XRN1: variants seen among roughly 807,000 people sequenced by gnomAD.
The protein encoded by XRN1 is strand-exchange protein 1 homolog.
Under a neutral mutation model 222.3 loss-of-function variants are expected in XRN1, and 67 were observed. The ratio of observed to expected loss-of-function variants is 0.30; its 90% CI spans 0.25 to 0.37. The LOEUF (loss-of-function observed/expected upper bound fraction) is 0.37. Ranked by LOEUF, XRN1 falls within the 10% of genes least tolerant of loss-of-function variation. The pLI is 1.00. For missense variants in XRN1, 1,707 were observed against 2,000.2 expected (o/e 0.85, Z 2.80); for synonymous variants, 643 against 652.4 (o/e 0.99, Z 0.22).
intron 25 of XRN1, among the ~76,000 whole-genome samples, chr3:142,374,149 G>A (rs1223679085): frequency 6.6e-6 from 1 of 152,156 alleles, no homozygotes; most frequent in Non-Finnish European, 1.5e-5. Flanking sequence ...TCAAAATGGA[G>A]ATATAAATCA....
At chr3:142,421,346 T>C in intron 9 of XRN1, 130 bp downstream of exon 9, 1 of 933,458 alleles carries the variant, frequency 1.1e-6, no homozygotes, top group Admixed American at 3.4e-5. Context: ...TTAATTTAGG[T>C]AAAAGTGTTT....
At chr3:142,382,075 T>G (rs2067323200) in intron 22 of XRN1, among the ~76,000 whole-genome samples, 1 of 152,252 alleles carries the variant, frequency 6.6e-6, no homozygotes, top group Admixed American at 6.5e-5. Context: ...AATGTTCATC[T>G]GTCCTTTAAT....
intron 32 of XRN1, among the ~76,000 whole-genome samples, chr3:142,351,470 T>A (rs2066303436): frequency 6.6e-6 from 1 of 152,250 alleles, no homozygotes; most frequent in Middle Eastern, 3.4e-3. Context: ...GAAAGGGCAG[T>A]TTCCATAAAG....
chr3:142,313,456 T>C (rs777299314), intron 39 of XRN1, among the ~76,000 whole-genome samples: 1 of 152,176 alleles, frequency 6.6e-6, no homozygotes, highest in African/African-American at 2.4e-5. Flanking sequence ...GCGATTCTTA[T>C]GGAGACAGCC....
chr3:142,328,868 G>A (rs2107907152), intron 37 of XRN1, among the ~76,000 whole-genome samples: 1 of 148,262 alleles, frequency 6.7e-6, no homozygotes, highest in Admixed American at 6.8e-5. Flanking sequence ...CCGTCCTCCT[G>A]CCTCAGCCTT....
intron 20 of XRN1, among the ~76,000 whole-genome samples, chr3:142,396,509 C>A (rs2067939363): frequency 6.6e-6 from 1 of 152,120 alleles, no homozygotes; most frequent in African/African-American, 2.4e-5. Flanking sequence ...ATCTAATTTA[C>A]ACTGTTGGGA....
intron 39 of XRN1, chr3:142,313,068 A>G: frequency 6.6e-7 from 1 of 1,514,990 alleles, no homozygotes; most frequent in Non-Finnish European, 8.9e-7. Flanking sequence ...AAAAAATAAA[A>G]GGGTCATGAA....
intron 37 of XRN1, among the ~76,000 whole-genome samples, chr3:142,326,043 A>G (rs1000124885): frequency 3.9e-5 from 6 of 152,002 alleles, no homozygotes; most frequent in African/African-American, 1.2e-4. Flanking sequence ...TTAAGCCAGT[A>G]CCATGTTGTT....
At position 142,417,172 on chromosome 3, in the gene XRN1, G is replaced by C. The variant is rs749904698; in HGVS notation, c.1404C>G (p.His468Gln). The C allele has an allele frequency of 2.7e-5, 44 of 1,613,514 alleles. No homozygotes were observed. Among genetic ancestry groups the C allele is most frequent in the Non-Finnish European group, 3.6e-5 (42 of 1,179,856 alleles). The change falls in exon 13 of 41, where the codon CAC (histidine) becomes CAG (glutamine). Residue 468 changes from histidine (H) to glutamine (Q), a missense_variant. Transcript: ENST00000392981. ...AGGACTGAACTCCATGATAGTAATA[G>C]TGCAAAATCCACTGTATTGCCTGAA... is the stretch of plus-strand genomic sequence containing the variant. ...CYVQAIQWIL[H>Q]YYYHGVQSWS...
intron 15 of XRN1, among the ~76,000 whole-genome samples, chr3:142,412,239 T>A (rs964965081): frequency 6.6e-6 from 1 of 152,242 alleles, no homozygotes; most frequent in African/African-American, 2.4e-5. Flanking sequence ...TGTTATTAGA[T>A]ACAACATATT....
intron 15 of XRN1, among the ~76,000 whole-genome samples, chr3:142,405,816 A>AT (rs1206103358): frequency 2.0e-5 from 3 of 152,194 alleles, no homozygotes; most frequent in Non-Finnish European, 4.4e-5. Flanking sequence ...TACCATATAT[A>AT]AAAACAAGTA....
At chr3:142,339,791 T>C (rs546452970) in intron 33 of XRN1, among the ~76,000 whole-genome samples, 3 of 152,064 alleles carry the variant, frequency 2.0e-5, no homozygotes, top group South Asian at 2.1e-4. Flanking sequence ...GGCAAGACCC[T>C]GCCTCAAAAA....
rs367634154 is a variant in XRN1, at chr3:142,319,777, T to C, written c.4405-874A>G. 2.6e-5 allele frequency among the ~76,000 whole-genome samples: 4 copies of C among 152,198 alleles called. No individual in the cohort carries two copies. In the East Asian group the frequency reaches 5.8e-4, roughly 22 times the overall value. The stretch of plus-strand genomic sequence containing the variant: ...CATGTGATATCTGACTTTCTGTTTC[T>C]GAATTATTTCACTTAGGATAATGGC... On this transcript the variant is annotated intron_variant, in intron 37 of 40. Coordinates refer to ENST00000392981, the MANE Select transcript of XRN1 (RefSeq NM_001282857.2).
At chr3:142,360,059 T>C (rs569855518) in intron 29 of XRN1, 128 bp from the exon 30 acceptor site, 5 of 524,102 alleles carry the variant, frequency 9.5e-6, no homozygotes, top group African/African-American at 5.9e-5. Flanking sequence ...ATTCAGGATA[T>C]GAACAATGGC....
At chr3:142,318,721 A>T in intron 38 of XRN1, 27 bp from the exon 39 acceptor site, 1 of 1,609,638 alleles carries the variant, frequency 6.2e-7, no homozygotes, top group Non-Finnish European at 8.5e-7. Context: ...AAGTTACAAG[A>T]CAATGCAATA....
chr3:142,391,432 G>A (rs917088477), intron 20 of XRN1, among the ~76,000 whole-genome samples: 3 of 152,042 alleles, frequency 2.0e-5, no homozygotes, highest in African/African-American at 7.2e-5. Flanking sequence ...GTTGTTGTCT[G>A]TTTTAAAATT....
intron 1 of XRN1, chr3:142,435,499 A>C (rs2069844803): frequency 6.6e-6 from 1 of 151,482 alleles, no homozygotes. Flanking sequence ...GGTGGCTCAC[A>C]CCTGTAATCC....
chr3:142,401,165 T>C (rs377308985), intron 18 of XRN1, among the ~76,000 whole-genome samples: 3 of 152,276 alleles, frequency 2.0e-5, no homozygotes, highest in East Asian at 1.9e-4. Flanking sequence ...GCTGGTGTGA[T>C]GAAAAAAGAA....
At position 142,405,087 on chromosome 3, in the gene XRN1, G is replaced by C. The variant is rs746271632; in HGVS notation, c.1714-11C>G. ...TTCCAATAATCGCTTCTGAATATAA[G>C]GATTGAAGAGAAGGGTTACAAGCAT... On this transcript the variant is annotated splice_polypyrimidine_tract_variant and intron_variant, in intron 15 of 40. Transcript: ENST00000392981. The C allele has an allele frequency of 3.1e-6, 5 of 1,612,430 alleles. No homozygotes were observed. The South Asian group carries it at 3.3e-5, about 11-fold the overall frequency.
Sources: gnomAD v4.1 joint callset for allele counts (sites outside exome capture counted in the v4.1 genomes callset) on GRCh38, gnomAD v4.1.1 for gene constraint, MANE v1.5 for transcripts, NCBI Gene and HGNC (gene_info 2026-07-23, HGNC 2026-07-21) for gene names.